The following MTHFD2 variants were observed in gnomAD, a reference collection of about 807,000 sequenced individuals.
MTHFD2 encodes bifunctional methylenetetrahydrofolate dehydrogenase/cyclohydrolase, mitochondrial.
A neutral mutation model predicts 36.8 loss-of-function variants in MTHFD2; 26 were observed. The observed-to-expected ratio is 0.71, with a 90% CI of 0.52 to 0.98. MTHFD2 has a LOEUF of 0.98. MTHFD2 is among the 50% of genes least tolerant of loss of function. The probability of loss-of-function intolerance (pLI) is 0.00; values close to 1 mark genes in which losing one functional copy is unlikely to be tolerated. For synonymous variants in MTHFD2, 164 were observed against 155.2 expected (o/e 1.06, Z -0.42); for missense variants, 373 against 434.0 (o/e 0.86, Z 1.25).
Position 74,199,932 on chromosome 2 carries a change from C to T in MTHFD2, c.101+1190C>T, listed in dbSNP as rs111637550. 3.4e-3 allele frequency among the ~76,000 whole-genome samples: 511 copies of T among 152,178 alleles called. 5 individuals are homozygous for T. Among genetic ancestry groups the T allele is most frequent in the African/African-American group, 0.012 (482 of 41,516 alleles). On this transcript the variant is annotated intron_variant, in intron 1 of 7. Transcript: ENST00000394053. ...TCAGCCCCTTCTTTTTTTCATCTAA[C>T]GTTCACTGTGTACCAGACACTATGC...
rs767854445 is a variant in MTHFD2, at chr2:74,198,641, T to C, written c.-1T>C. On this transcript the variant is annotated 5_prime_UTR_variant, in exon 1 of 8. Coordinates refer to ENST00000394053, the MANE Select transcript of MTHFD2 (RefSeq NM_006636.4). Reference sequence around the variant, plus strand: ...TCCCGGCGCAGTCACCGGCGCGGTCTATGGCTGCGACTTCTCTAATGTCTG... The same window carrying C: ...TCCCGGCGCAGTCACCGGCGCGGTCCATGGCTGCGACTTCTCTAATGTCTG... 3 of 1,606,996 alleles carry C rather than the reference T, an allele frequency of 1.9e-6. No homozygotes were observed. The highest frequency in any genetic ancestry group is 2.5e-6 in the Non-Finnish European group (3 of 1,177,170).
In MTHFD2 at chr2:74,211,844, G is replaced by A; in HGVS notation, c.867G>A (p.Leu289=). 1.2e-6 allele frequency: 2 copies of A among 1,609,810 alleles called. No homozygotes were observed. Among genetic ancestry groups the A allele is most frequent in the Non-Finnish European group, 1.7e-6 (2 of 1,179,024 alleles). The part of the protein sequence containing the change: ...VHDPVTAKPK[L]VGDVDFEGVR... ...ATCCTGTAACTGCCAAACCCAAGTT[G>A]GTTGGAGATGTGGATTTTGAAGGTA... is the stretch of plus-strand genomic sequence containing the variant. Residue 289 remains leucine, a synonymous_variant, in exon 7 of 8, where the codon TTG becomes TTA. Transcript: ENST00000394053.
chr2:74,200,201 C>T (rs1694011230), intron 1 of MTHFD2, among the ~76,000 whole-genome samples: 1 of 152,010 alleles, frequency 6.6e-6, no homozygotes, highest in African/African-American at 2.4e-5. Flanking sequence ...TCCCCTTCTC[C>T]CTCTTCCTGA....
At chr2:74,211,315 G>T (rs747498000) in intron 6 of MTHFD2, 24 bp downstream of exon 6, 1 of 1,475,200 alleles carries the variant, frequency 6.8e-7, no homozygotes, top group African/African-American at 1.4e-5. Flanking sequence ...GGGGATGGAG[G>T]GAAGGACTTC....
In MTHFD2 at chr2:74,215,423, A is replaced by ATTTTTTTTTT. The variant is rs1199814554; in HGVS notation, c.*1189_*1198dup. The ATTTTTTTTTT allele has an allele frequency of 1.6e-5, 2 of 122,062 alleles. No individual in the cohort carries two copies. Among genetic ancestry groups the ATTTTTTTTTT allele is most frequent in the Non-Finnish European group, 3.5e-5 (2 of 56,932 alleles). 7.6% of individuals were successfully genotyped at this position (122,062 alleles called of 1,614,324 possible). ...TTAAATAGATAATTTTTTTTCTTCT[A>ATTTTTTTTTT]TTTTTTTTTTTTTTTTTGTAGAGAT... On this transcript the variant is annotated 3_prime_UTR_variant, in exon 8 of 8. Transcript: ENST00000394053.
chr2:74,215,418 C>CT lies in MTHFD2; in HGVS notation c.*1178dup, dbSNP rs1694416224. On this transcript the variant is annotated 3_prime_UTR_variant, in exon 8 of 8. Transcript: ENST00000394053. ...TAGCCTTAAATAGATAATTTTTTTT[C>CT]TTCTATTTTTTTTTTTTTTTTTGTA... The CT allele has an allele frequency of 6.8e-6, 1 of 147,012 alleles. No individual in the cohort carries two copies. The highest frequency in any genetic ancestry group is 2.6e-5 in the African/African-American group (1 of 39,050). 9.1% of individuals were successfully genotyped at this position (147,012 alleles called of 1,614,324 possible). A position where few individuals can be genotyped will look rare whatever the true frequency, so the allele number is the denominator to read the frequency against.
chr2:74,203,381 T>C (rs1484692875), intron 1 of MTHFD2, among the ~76,000 whole-genome samples: 3 of 152,238 alleles, frequency 2.0e-5, no homozygotes, highest in Non-Finnish European at 2.9e-5. Context: ...TATTGCATTA[T>C]ATCTAAGATG....
chr2:74,202,710 T>C (rs1441363146), intron 1 of MTHFD2, among the ~76,000 whole-genome samples: 2 of 151,710 alleles, frequency 1.3e-5, no homozygotes, highest in East Asian at 3.9e-4. Context: ...GTATTTTTAG[T>C]AGAGACGGGG....
intron 3 of MTHFD2, 95 bp from the exon 4 acceptor site, chr2:74,208,471 TAGA>T (rs1447952619): frequency 1.4e-6 from 2 of 1,382,124 alleles, no homozygotes; most frequent in Non-Finnish European, 2.0e-6. Context: ...AGGCAAGCTG[TAGA>T]AGAATAGATT....
At chr2:74,207,620 A>G in intron 2 of MTHFD2, 84 bp from the exon 3 acceptor site, 1 of 1,336,308 alleles carries the variant, frequency 7.5e-7, no homozygotes, top group Non-Finnish European at 1.0e-6. Context: ...CAAAACCCGT[A>G]TGGTAGCCAA....
chr2:74,210,400 G>A (rs977446523), intron 5 of MTHFD2, among the ~76,000 whole-genome samples: 15 of 152,268 alleles, frequency 9.9e-5, no homozygotes, highest in Non-Finnish European at 1.3e-4. Flanking sequence ...ATCTTTAGCC[G>A]TTGCAAAGGA....
intron 1 of MTHFD2, among the ~76,000 whole-genome samples, chr2:74,201,318 A>G (rs1356632907): frequency 1.3e-5 from 2 of 151,138 alleles, no homozygotes; most frequent in Non-Finnish European, 3.0e-5. Context: ...ACTTCTTCCT[A>G]TTCTGTTGAT....
intron 2 of MTHFD2, among the ~76,000 whole-genome samples, chr2:74,206,769 C>T (rs550492585): frequency 3.2e-4 from 48 of 152,148 alleles, no homozygotes; most frequent in African/African-American, 1.1e-3. Flanking sequence ...AGTGCAACGG[C>T]GTGATCTCGG....
intron 3 of MTHFD2, 38 bp downstream of exon 3, chr2:74,207,864 T>A: frequency 6.4e-7 from 1 of 1,554,066 alleles, no homozygotes; most frequent in Non-Finnish European, 8.8e-7. Flanking sequence ...TTGCTGCTGC[T>A]TCTGCTCCTT....
At chr2:74,199,849 G>T (rs1694002493) in intron 1 of MTHFD2, among the ~76,000 whole-genome samples, 1 of 152,172 alleles carries the variant, frequency 6.6e-6, no homozygotes, top group East Asian at 1.9e-4. Flanking sequence ...AAGGTGATTT[G>T]GTCGGTCATT....
intron 7 of MTHFD2, 98 bp from the exon 8 acceptor site, chr2:74,213,981 T>A: frequency 7.6e-7 from 1 of 1,321,584 alleles, no homozygotes. Context: ...TGCTTATGTA[T>A]GTTACTTTTT....
chr2:74,207,023 T>C (rs1694199231), intron 2 of MTHFD2, among the ~76,000 whole-genome samples: 2 of 151,478 alleles, frequency 1.3e-5, no homozygotes, highest in South Asian at 4.2e-4. Flanking sequence ...CCACTGTGCC[T>C]GGCCAAGCCA....
In MTHFD2 at chr2:74,213,270, C is replaced by CTTTTTTTTTTTTTTT. The variant is rs10638050; in HGVS notation, c.890-799_890-785dup. Among the ~76,000 whole-genome samples, 60 of 76,006 alleles carry CTTTTTTTTTTTTTTT rather than the reference C, an allele frequency of 7.9e-4. 1 individual carries two copies. The highest frequency in any genetic ancestry group is 9.0e-4 in the African/African-American group (15 of 16,656). The allele number at this position is 76,006 out of a possible 152,430, so 49.9% of individuals were successfully genotyped here. ...ATGCTGATAATCCTTTTTTTCTTTC[C>CTTTTTTTTTTTTTTT]TTTTTTTTTTTTTTTTTTTTTTTTG... On this transcript the variant is annotated intron_variant, in intron 7 of 7. Transcript: ENST00000394053.
At chr2:74,201,906 A>G (rs1694050439) in intron 1 of MTHFD2, among the ~76,000 whole-genome samples, 2 of 151,824 alleles carry the variant, frequency 1.3e-5, no homozygotes, top group South Asian at 4.1e-4. Context: ...TATTCATTGC[A>G]TGTGACTTTG....
Sources: allele counts gnomAD v4.1 joint callset (sites outside exome capture counted in the v4.1 genomes callset), GRCh38; gene constraint gnomAD v4.1.1; transcripts MANE v1.5; gene names NCBI Gene and HGNC (gene_info 2026-07-23, HGNC 2026-07-21).